DOCK10: variants seen among roughly 807,000 people sequenced by gnomAD.
DOCK10 encodes the protein dedicator of cytokinesis protein 10.
Under a neutral mutation model 280.1 loss-of-function variants are expected in DOCK10, and 145 were observed. The ratio of observed to expected loss-of-function variants is 0.52; its 90% CI spans 0.45 to 0.59. The LOEUF is 0.59. Among genes scored for constraint, DOCK10 ranks in the 20% least tolerant of loss-of-function variants. DOCK10 has a pLI of 0.00. For missense variants in DOCK10, 2,368 were observed against 2,651.7 expected, an observed-to-expected ratio of 0.89 and a Z score of 2.35; for synonymous variants, 915 against 942.2, an observed-to-expected ratio of 0.97 and a Z score of 0.53.
intron 1 of DOCK10, chr2:224,983,906 AT>A: frequency 2.1e-6 from 1 of 470,206 alleles, no homozygotes; most frequent in Admixed American, 2.4e-5. Context: ...AATCTAAACC[AT>A]TTTTACTCTA....
chr2:224,925,959 A>G (rs1363240090), intron 2 of DOCK10, among the ~76,000 whole-genome samples: 1 of 152,156 alleles, frequency 6.6e-6, no homozygotes, highest in East Asian at 1.9e-4. Flanking sequence ...CACTTTACTG[A>G]GTCACACACT....
rs754041561 is a variant in DOCK10, at chr2:224,773,234, G to A, written c.6127C>T (p.Leu2043Phe). ...TCTTCCATTGTGCAAAGCTGATTAA[G>A]CTCAGAAACCTTCTTGGACATCTCG... ...IDEMSKKVSE[L>F]NQLCTMEEVD... Residue 2043 changes from leucine (L) to phenylalanine (F), a missense_variant, in exon 53 of 56, where the codon CTT (leucine) becomes TTT (phenylalanine). By Grantham distance (22) the Leu-to-Phe change is conservative. Transcript: ENST00000258390. 2 of 1,613,964 alleles carry A rather than the reference G, an allele frequency of 1.2e-6. No homozygotes were observed. Among genetic ancestry groups the A allele is most frequent in the Admixed American group, 1.7e-5 (1 of 60,014 alleles).
rs10639609 is a variant in DOCK10 at position 225,009,638 on chromosome 2, C to CAAAAA, written c.123+32609_123+32613dup. Among the ~76,000 whole-genome samples, 143 of 135,530 alleles carry CAAAAA rather than the reference C, an allele frequency of 1.1e-3. 1 individual carries two copies. Among genetic ancestry groups the CAAAAA allele is most frequent in the Admixed American group, 1.6e-3 (21 of 13,444 alleles). 88.9% of individuals were successfully genotyped at this position (135,530 alleles called of 152,430 possible). A position where few individuals can be genotyped will look rare whatever the true frequency, so the allele number is the denominator to read the frequency against. ...ACAATGACAAAGGCAAGCCCTAAGG[C>CAAAAA]AAAAAAAAAAAAAGAAAGAAAAAAG... On this transcript the variant is annotated intron_variant, in intron 1 of 55. Coordinates refer to ENST00000258390, the MANE Select transcript of DOCK10 (RefSeq NM_014689.3).
chr2:224,902,264 A>T (rs1257648304), intron 3 of DOCK10, among the ~76,000 whole-genome samples: 1 of 151,178 alleles, frequency 6.6e-6, no homozygotes, highest in Non-Finnish European at 1.5e-5. Context: ...AGCAAGTAAC[A>T]TTTTTTTTTC....
intron 11 of DOCK10, among the ~76,000 whole-genome samples, chr2:224,870,463 T>G (rs538942957): frequency 5.3e-5 from 8 of 152,316 alleles, no homozygotes; most frequent in Middle Eastern, 3.4e-3. Context: ...CCTAACACTT[T>G]GCATTCCATG....
At chr2:225,000,090 T>C (rs954650687) in intron 1 of DOCK10, among the ~76,000 whole-genome samples, 3 of 152,154 alleles carry the variant, frequency 2.0e-5, no homozygotes, top group Non-Finnish European at 4.4e-5. Flanking sequence ...ACACTTTCTA[T>C]GCAAAAATAT....
chr2:224,832,471 A>G (rs543013597), intron 26 of DOCK10, among the ~76,000 whole-genome samples: 1 of 152,298 alleles, frequency 6.6e-6, no homozygotes, highest in African/African-American at 2.4e-5. Flanking sequence ...TAAACTTTTG[A>G]CAAGACAGTC....
chr2:224,966,156 C>T (rs1358465571), intron 1 of DOCK10, among the ~76,000 whole-genome samples: 2 of 152,098 alleles, frequency 1.3e-5, no homozygotes, highest in African/African-American at 4.8e-5. Flanking sequence ...ACAGAGTGTG[C>T]AGCCTATACA....
At position 224,928,732 on chromosome 2, in the gene DOCK10, G is replaced by A. The variant is rs1469030108; in HGVS notation, c.243+2817C>T. ...CTGATAGTAAGGATTAGGTAGCATT[G>A]AAAATCTCTTGGGCAGAGATTAATT... On this transcript the variant is annotated intron_variant, in intron 2 of 55. Transcript: ENST00000258390. Among the ~76,000 whole-genome samples, 3 of 152,342 alleles carry A rather than the reference G, an allele frequency of 2.0e-5. No individual in the cohort carries two copies. In the East Asian group the frequency reaches 5.8e-4, roughly 29 times the overall value.
chr2:224,832,515 GA>G (rs774208561), intron 26 of DOCK10, among the ~76,000 whole-genome samples: 20 of 152,220 alleles, frequency 1.3e-4, no homozygotes, highest in Non-Finnish European at 2.8e-4. Context: ...ATAAAAAAGA[GA>G]AGGGATTGAT....
At chr2:224,846,882 A>T (rs1268171904) in intron 19 of DOCK10, among the ~76,000 whole-genome samples, 1 of 152,198 alleles carries the variant, frequency 6.6e-6, no homozygotes, top group African/African-American at 2.4e-5. Context: ...GGAGTCTCAG[A>T]CATTAACCTA....
chr2:224,769,611 T>C (rs1690282223), intron 55 of DOCK10, among the ~76,000 whole-genome samples: 1 of 152,206 alleles, frequency 6.6e-6, no homozygotes, highest in African/African-American at 2.4e-5. Flanking sequence ...ACCCAAAAAG[T>C]ACTGAGATGA....
chr2:225,029,468 G>A (rs1252395576), intron 1 of DOCK10, among the ~76,000 whole-genome samples: 4 of 152,114 alleles, frequency 2.6e-5, no homozygotes, highest in African/African-American at 4.8e-5. Flanking sequence ...CACCATGCCC[G>A]GCCTCTTTAT....
At chr2:224,934,070 G>T (rs2126034588) in intron 1 of DOCK10, among the ~76,000 whole-genome samples, 1 of 152,168 alleles carries the variant, frequency 6.6e-6, no homozygotes, top group African/African-American at 2.4e-5. Context: ...ATCCTAACTT[G>T]CCTTGATATA....
intron 48 of DOCK10, 51 bp from the exon 49 acceptor site, chr2:224,787,448 C>G: frequency 1.2e-6 from 2 of 1,601,070 alleles, no homozygotes; most frequent in Non-Finnish European, 1.7e-6. Flanking sequence ...GGTTGTGGCT[C>G]ATGCCTGAAA....
At position 224,944,392 on chromosome 2, in the gene DOCK10, T is replaced by C. The variant is rs77375108; in HGVS notation, c.124-12724A>G. Among the ~76,000 whole-genome samples, 835 of 152,344 alleles carry C rather than the reference T, an allele frequency of 5.5e-3. 5 individuals are homozygous for C. The highest frequency in any genetic ancestry group is 0.019 in the African/African-American group (782 of 41,574). The stretch of plus-strand genomic sequence containing the variant: ...TCCTTGGAAATGGAAATATTTTACT[T>C]AGTTTTAATAACACTACACAACACT... On this transcript the variant is annotated intron_variant, in intron 1 of 55. Transcript: ENST00000258390.
At chr2:225,035,676 TAGTC>T (rs1690241231) in intron 1 of DOCK10, among the ~76,000 whole-genome samples, 1 of 145,920 alleles carries the variant, frequency 6.9e-6, no homozygotes, top group South Asian at 2.1e-4. Flanking sequence ...TGTGTTGTAT[TAGTC>T]AGTGCGGGCT....
intron 33 of DOCK10, among the ~76,000 whole-genome samples, chr2:224,806,494 G>A (rs1473138356): frequency 1.3e-5 from 2 of 152,160 alleles, no homozygotes; most frequent in Admixed American, 1.3e-4. Context: ...AGACTACATG[G>A]CTGGATTGGT....
intron 44 of DOCK10, 175 bp from the exon 45 acceptor site, chr2:224,795,269 A>G: frequency 1.6e-6 from 1 of 613,216 alleles, no homozygotes; most frequent in Non-Finnish European, 2.8e-6. Context: ...GGATACACAC[A>G]TTTGAAGATA....
Sources: allele counts gnomAD v4.1 joint callset (sites outside exome capture counted in the v4.1 genomes callset), GRCh38; gene constraint gnomAD v4.1.1; transcripts MANE v1.5; gene names NCBI Gene and HGNC (gene_info 2026-07-23, HGNC 2026-07-21).